ZNF654: variants seen among roughly 807,000 people sequenced by gnomAD.
ZNF654 encodes zinc finger protein 654.
Under a neutral mutation model 95.3 loss-of-function variants are expected in ZNF654, and 19 were observed. The ratio of observed to expected loss-of-function variants is 0.20; its 90% CI spans 0.14 to 0.29. The LOEUF (loss-of-function observed/expected upper bound fraction) is 0.29. Ranked by LOEUF, ZNF654 falls within the 10% of genes least tolerant of loss-of-function variation. The probability of loss-of-function intolerance (pLI) is 1.00; values close to 1 mark genes in which losing one functional copy is unlikely to be tolerated. For missense variants in ZNF654, 1,046 were observed against 1,341.0 expected, an observed-to-expected ratio of 0.78 and a Z score of 3.44; for synonymous variants, 413 against 457.9, an observed-to-expected ratio of 0.90 and a Z score of 1.25.
intron 6 of ZNF654, among the ~76,000 whole-genome samples, chr3:88,132,549 C>T (rs1217401053): frequency 1.3e-5 from 2 of 152,094 alleles, no homozygotes; most frequent in Non-Finnish European, 2.9e-5. Flanking sequence ...ACCTCAGATC[C>T]CATGTTTTAA....
At chr3:88,071,787 A>G (rs1053005194) in intron 1 of ZNF654, among the ~76,000 whole-genome samples, 2 of 152,114 alleles carry the variant, frequency 1.3e-5, no homozygotes, top group African/African-American at 4.8e-5. Context: ...CTGGGCGACA[A>G]GAGTGAGACT....
intron 1 of ZNF654, among the ~76,000 whole-genome samples, chr3:88,075,407 C>T (rs1707744583): frequency 6.6e-6 from 1 of 152,194 alleles, no homozygotes; most frequent in South Asian, 2.1e-4. Flanking sequence ...AGTTCTAGGC[C>T]TATCATAAAA....
intron 3 of ZNF654, among the ~76,000 whole-genome samples, chr3:88,125,235 CA>C (rs199953949): frequency 2.1e-5 from 3 of 146,318 alleles, no homozygotes; most frequent in Admixed American, 6.8e-5. Flanking sequence ...AACAAAAAAA[CA>C]AAAAAAAACC....
At chr3:88,066,228 G>A (rs1218886991) in intron 1 of ZNF654, among the ~76,000 whole-genome samples, 1 of 152,172 alleles carries the variant, frequency 6.6e-6, no homozygotes, top group East Asian at 1.9e-4. Context: ...TCTTTCATTA[G>A]ATACATGACT....
chr3:88,081,404 A>G (rs546433427), intron 1 of ZNF654, among the ~76,000 whole-genome samples: 2 of 152,178 alleles, frequency 1.3e-5, no homozygotes, highest in South Asian at 2.1e-4. Context: ...CTTCTCCTCA[A>G]ATTTTCACTC....
intron 3 of ZNF654, among the ~76,000 whole-genome samples, chr3:88,119,842 T>G (rs1054857694): frequency 6.6e-6 from 1 of 152,186 alleles, no homozygotes; most frequent in African/African-American, 2.4e-5. Flanking sequence ...TCCATTAGCA[T>G]GGCAACTACC....
intron 2 of ZNF654, among the ~76,000 whole-genome samples, chr3:88,102,447 C>G (rs1253410893): frequency 6.6e-6 from 1 of 152,030 alleles, no homozygotes; most frequent in African/African-American, 2.4e-5. Flanking sequence ...GCTGTTAATC[C>G]CATACAGTGT....
chr3:88,103,890 C>A (rs1044844371), intron 2 of ZNF654, among the ~76,000 whole-genome samples: 1 of 151,302 alleles, frequency 6.6e-6, no homozygotes. Context: ...CCTCAGTCTC[C>A]CAAGTAGCTG....
At chr3:88,081,961 CCT>C (rs1298370584) in intron 1 of ZNF654, among the ~76,000 whole-genome samples, 1 of 152,112 alleles carries the variant, frequency 6.6e-6, no homozygotes, top group African/African-American at 2.4e-5. Context: ...GTAAGACTAA[CCT>C]AATGTGTTTT....
intron 2 of ZNF654, among the ~76,000 whole-genome samples, chr3:88,093,404 T>A (rs758335253): frequency 6.6e-6 from 1 of 152,188 alleles, no homozygotes; most frequent in Non-Finnish European, 1.5e-5. Flanking sequence ...GATTTCAGCA[T>A]TCCAGGTAGA....
intron 1 of ZNF654, among the ~76,000 whole-genome samples, chr3:88,080,190 C>T (rs1708008624): frequency 6.6e-6 from 1 of 152,038 alleles, no homozygotes; most frequent in South Asian, 2.1e-4. Context: ...AGCTGAAACT[C>T]AGCAGTCGTT....
At position 88,142,376 on chromosome 3, in the gene ZNF654, A is replaced by G. The variant is rs1707176360; in HGVS notation, c.*724A>G. ...ACTTTTGTGGTACAAATTAGTTAAC[A>G]TTTAAAGGGCAGCAGTGTCAATAAA... On this transcript the variant is annotated 3_prime_UTR_variant, in exon 9 of 9. Coordinates refer to ENST00000636215, the MANE Select transcript of ZNF654 (RefSeq NM_001350134.2). The G allele has an allele frequency of 6.6e-6, 1 of 152,344 alleles. No individual in the cohort carries two copies. The highest frequency in any genetic ancestry group is 2.1e-4 in the South Asian group (1 of 4,834). The allele number at this position is 152,344 out of a possible 1,614,324, so 9.4% of individuals were successfully genotyped here.
intron 1 of ZNF654, among the ~76,000 whole-genome samples, chr3:88,059,945 G>A (rs1477155508): frequency 6.6e-6 from 1 of 151,670 alleles, no homozygotes; most frequent in African/African-American, 2.4e-5. Flanking sequence ...TTTTTTCCGG[G>A]ATGGGAGACA....
Position 88,113,198 on chromosome 3 carries a change from T to TA in ZNF654, c.414+8dup, listed in dbSNP as rs1450511219. ...AAGGATATTCTTGGATCATTCCAGG[T>TA]AAAAAACAGTTTACTACTTCACACT... is the stretch of plus-strand genomic sequence containing the variant. On this transcript the variant is annotated splice_region_variant and intron_variant, in intron 3 of 8. Coordinates refer to ENST00000636215, the MANE Select transcript of ZNF654 (RefSeq NM_001350134.2). 1 of 1,525,616 alleles carries TA rather than the reference T, an allele frequency of 6.6e-7. No individual in the cohort carries two copies. The allele number at this position is 1,525,616 out of a possible 1,614,324, so 94.5% of individuals were successfully genotyped here.
chr3:88,098,034 A>G (rs1017164708), intron 2 of ZNF654, among the ~76,000 whole-genome samples: 21 of 152,234 alleles, frequency 1.4e-4, no homozygotes, highest in Non-Finnish European at 2.5e-4. Context: ...AAAACAATCA[A>G]TCCAGGAGCT....
Position 88,093,665 on chromosome 3 carries a change from A to T in ZNF654, c.332+7263A>T, listed in dbSNP as rs1322693238. ...CTACACATGTAATGTTAGATCACTGATCCTTTCTGATTATGTTGCTAAATT... is the reference window on the plus strand; with the variant it reads ...CTACACATGTAATGTTAGATCACTGTTCCTTTCTGATTATGTTGCTAAATT... On this transcript the variant is annotated intron_variant, in intron 2 of 8. Coordinates refer to ENST00000636215, the MANE Select transcript of ZNF654 (RefSeq NM_001350134.2). Among the ~76,000 whole-genome samples the T allele has an allele frequency of 2.0e-5, 3 of 152,206 alleles. No individual in the cohort carries two copies. The East Asian group carries it at 5.8e-4, about 29-fold the overall frequency.
At chr3:88,134,424 A>G (rs533816305) in intron 6 of ZNF654, among the ~76,000 whole-genome samples, 2 of 152,106 alleles carry the variant, frequency 1.3e-5, no homozygotes, top group African/African-American at 2.4e-5. Context: ...ACATCCAAAT[A>G]TATCAGCTCT....
intron 7 of ZNF654, among the ~76,000 whole-genome samples, chr3:88,136,933 A>G (rs1458695994): frequency 6.6e-6 from 1 of 152,060 alleles, no homozygotes; most frequent in Non-Finnish European, 1.5e-5. Flanking sequence ...GATGGCTTAC[A>G]CCAGTAATCC....
At chr3:88,124,772 GTTT>G (rs11287888) in intron 3 of ZNF654, among the ~76,000 whole-genome samples, 1 of 147,072 alleles carries the variant, frequency 6.8e-6, no homozygotes. Context: ...ACAATACTCA[GTTT>G]TTTTTTTTTC....
Sources: allele counts gnomAD v4.1 joint callset (sites outside exome capture counted in the v4.1 genomes callset), GRCh38; gene constraint gnomAD v4.1.1; transcripts MANE v1.5; gene names NCBI Gene and HGNC (gene_info 2026-07-23, HGNC 2026-07-21).